PAGE1: variants seen among roughly 807,000 people sequenced by gnomAD.
PAGE1 encodes the protein P antigen family member 1.
Under a neutral mutation model 11.5 loss-of-function variants are expected in PAGE1, and 6 were observed. The ratio of observed to expected loss-of-function variants is 0.52; its 90% confidence interval spans 0.29 to 1.03. PAGE1 has a LOEUF of 1.03. Among genes scored for constraint, PAGE1 ranks in the 50% least tolerant of loss-of-function variants. The pLI, the probability that PAGE1 is intolerant of heterozygous loss-of-function variation, is 0.09. For synonymous variants in PAGE1, 42 were observed against 40.2 expected (o/e 1.05, Z -0.17); for missense variants, 120 against 110.2 (o/e 1.09, Z -0.40).
chrX:49,692,783 ATTAT>A (rs781833593), intron 3 of PAGE1, among the ~76,000 whole-genome samples: 9 of 109,632 alleles, frequency 8.2e-5, no homozygotes, highest in African/African-American at 2.3e-4. Flanking sequence ...CGAAACATTT[ATTAT>A]TTATTTATTT....
intron 4 of PAGE1, among the ~76,000 whole-genome samples, chrX:49,690,823 A>C (rs781962332): frequency 1.0e-4 from 11 of 109,052 alleles, no homozygotes; most frequent in African/African-American, 3.3e-4. Context: ...TCGGGAGTTC[A>C]AGACCAGCCT....
chrX:49,694,699 C>A lies in PAGE1; in HGVS notation c.63+9G>T, dbSNP rs782011457. On this transcript the variant is annotated intron_variant, in intron 2 of 5. Coordinates refer to ENST00000376150, the MANE Select transcript of PAGE1 (RefSeq NM_003785.4). ...ACGTTAAAGCACTCAACAGCATAGG[C>A]CCAATTACCTCAGAAGATTCTACAT... 7 of 1,155,694 alleles carry A rather than the reference C, an allele frequency of 6.1e-6. No individual in the cohort carries two copies. In the South Asian group the frequency reaches 1.3e-4, roughly 22 times the overall value.
chrX:49,689,733 C>T (rs782717634), intron 4 of PAGE1, among the ~76,000 whole-genome samples, 190 bp from the exon 5 acceptor site: 3 of 55,028 alleles, frequency 5.5e-5, no homozygotes, highest in African/African-American at 1.7e-4. Flanking sequence ...TGTATATATA[C>T]ACACATATAT....
At chrX:49,690,242 T>C (rs2066915386) in intron 4 of PAGE1, among the ~76,000 whole-genome samples, 1 of 105,696 alleles carries the variant, frequency 9.5e-6, no homozygotes, top group Non-Finnish European at 1.9e-5. Context: ...TTCACTAGTG[T>C]AATAATAAAT....
chrX:49,691,558 TTCCA>T (rs1324694306), intron 3 of PAGE1, among the ~76,000 whole-genome samples, 184 bp from the exon 4 acceptor site: 1 of 111,825 alleles, frequency 8.9e-6, no homozygotes, highest in Non-Finnish European at 1.9e-5. Context: ...AAACAGGGTT[TTCCA>T]AATATTACCC....
chrX:49,695,079 T>C (rs2066936199), intron 1 of PAGE1, among the ~76,000 whole-genome samples: 1 of 112,756 alleles, frequency 8.9e-6, no homozygotes, highest in African/African-American at 3.2e-5. Flanking sequence ...GTGATCACAC[T>C]TCACTGCAGC....
intron 4 of PAGE1, 147 bp downstream of exon 4, chrX:49,691,102 C>T: frequency 2.1e-6 from 1 of 483,772 alleles, no homozygotes; most frequent in Admixed American, 3.9e-5. Context: ...CACTTAAACC[C>T]AGCAGGTGGA....
intron 4 of PAGE1, among the ~76,000 whole-genome samples, 183 bp from the exon 5 acceptor site, chrX:49,689,726 A>G (rs1218306955): frequency 1.6e-5 from 1 of 63,629 alleles, no homozygotes; most frequent in Non-Finnish European, 2.7e-5. Flanking sequence ...GTATATATGT[A>G]TATATACACA....
intron 3 of PAGE1, 123 bp downstream of exon 3, chrX:49,693,976 G>A: frequency 2.6e-6 from 1 of 389,134 alleles, no homozygotes; most frequent in East Asian, 4.6e-5. Flanking sequence ...GGCATCGTTT[G>A]CATGGCTTTC....
At chrX:49,689,860 GTGTGTATATA>G (rs1241352936) in intron 4 of PAGE1, among the ~76,000 whole-genome samples, 2 of 52,728 alleles carry the variant, frequency 3.8e-5, no homozygotes, top group South Asian at 1.3e-3. Context: ...ACATATATAG[GTGTGTATATA>G]TGTGTATATA....
chrX:49,694,809 G>T, intron 1 of PAGE1, 31 bp from the exon 2 acceptor site: 1 of 827,681 alleles, frequency 1.2e-6, no homozygotes, highest in Non-Finnish European at 1.8e-6. Context: ...TTGGGAACAT[G>T]CACTTGAGAG....
chrX:49,694,023 C>CAG (rs782225479), intron 3 of PAGE1, 76 bp downstream of exon 3: 4 of 110,890 alleles, frequency 3.6e-5, no homozygotes, highest in African/African-American at 3.0e-4. Context: ...ATGCATGAGA[C>CAG]ACACACACAC....
chrX:49,694,023 C>T, intron 3 of PAGE1, 76 bp downstream of exon 3: 1 of 111,535 alleles, frequency 9.0e-6, no homozygotes, highest in East Asian at 1.6e-4. Context: ...ATGCATGAGA[C>T]ACACACACAC....
intron 3 of PAGE1, 45 bp from the exon 4 acceptor site, chrX:49,691,419 A>G: frequency 9.3e-7 from 1 of 1,076,547 alleles, no homozygotes; most frequent in Non-Finnish European, 1.3e-6. Flanking sequence ...CAACACATGA[A>G]ATATGAATAA....
chrX:49,695,507 G>A (rs1172557132), intron 1 of PAGE1, among the ~76,000 whole-genome samples: 1 of 110,575 alleles, frequency 9.0e-6, no homozygotes, highest in Non-Finnish European at 1.9e-5. Context: ...CCCACCTCCC[G>A]CCTCGGGGCC....
rs1569533484 is a variant in PAGE1 at position 49,690,081 on chromosome X, G to GTATATACACA, written c.293-539_293-538insTGTGTATATA. On this transcript the variant is annotated intron_variant, in intron 4 of 5. Transcript: ENST00000376150. The stretch of plus-strand genomic sequence containing the variant: ...TGTGTATATACACACATATATATGT[G>GTATATACACA]TATATATGTGTATATATGTGTATAT... 4.0e-4 allele frequency among the ~76,000 whole-genome samples: 20 copies of GTATATACACA among 49,902 alleles called. 1 individual carries two copies. The Admixed American group carries it at 4.2e-3, about 10-fold the overall frequency. The allele number at this position is 49,902 out of a possible 115,157, so 43.3% of individuals were successfully genotyped here. A position where few individuals can be genotyped will look rare whatever the true frequency, so the allele number is the denominator to read the frequency against.
intron 4 of PAGE1, among the ~76,000 whole-genome samples, chrX:49,690,608 T>A (rs2066916564): frequency 9.0e-6 from 1 of 111,513 alleles, no homozygotes; most frequent in Non-Finnish European, 1.9e-5. Flanking sequence ...AATGTCCGTA[T>A]CCTGAATGAC....
rs201945126 is a variant in PAGE1 at position 49,691,220 on chromosome X, A to G, written c.292+29T>C. 1.9e-4 allele frequency: 229 copies of G among 1,197,529 alleles called. No individual in the cohort carries two copies. The African/African-American group carries it at 3.5e-3, about 18-fold the overall frequency. On this transcript the variant is annotated intron_variant, in intron 4 of 5. Transcript: ENST00000376150. ...ATAATACTGTGGAAACAGACACCCTACAATTTGCATGCTTAATGGACTACC... is the reference window on the plus strand; with the variant it reads ...ATAATACTGTGGAAACAGACACCCTGCAATTTGCATGCTTAATGGACTACC...
intron 2 of PAGE1, 95 bp downstream of exon 2, chrX:49,694,613 T>C: frequency 2.0e-6 from 1 of 507,598 alleles, no homozygotes; most frequent in Admixed American, 3.8e-5. Flanking sequence ...TTAGTGTATC[T>C]ATACTAATGC....
Sources: gnomAD v4.1 joint callset for allele counts (sites outside exome capture counted in the v4.1 genomes callset) on GRCh38, gnomAD v4.1.1 for gene constraint, MANE v1.5 for transcripts, NCBI Gene and HGNC (gene_info 2026-07-23, HGNC 2026-07-21) for gene names.